RAVER1: variants seen among roughly 807,000 people sequenced by gnomAD.
RAVER1 encodes ribonucleoprotein, PTB binding 1, also known as ribonucleoprotein PTB-binding 1.
A neutral mutation model predicts 68.4 loss-of-function variants in RAVER1; 36 were observed. The observed-to-expected ratio is 0.53, with a 90% CI of 0.40 to 0.70. The LOEUF is 0.70. Ranked by LOEUF, RAVER1 falls within the 30% of genes least tolerant of loss-of-function variation. RAVER1 has a pLI of 0.00. For missense variants in RAVER1, 933 were observed against 1,019.8 expected, an observed-to-expected ratio of 0.91 and a Z score of 1.16; for synonymous variants, 469 against 472.7, an observed-to-expected ratio of 0.99 and a Z score of 0.10.
chr19:10,332,505 A>G (rs2040528986), intron 1 of RAVER1, among the ~76,000 whole-genome samples: 1 of 152,148 alleles, frequency 6.6e-6, no homozygotes, highest in Non-Finnish European at 1.5e-5. Flanking sequence ...TCCACTAGCC[A>G]CGTGCCCACC....
Position 10,328,419 on chromosome 19 carries a change from C to T in RAVER1, c.756+223G>A, listed in dbSNP as rs2040489708. On this transcript the variant is annotated intron_variant, in intron 3 of 12. Transcript: ENST00000617231. This position sits in a 1 kb window ranked among gnomAD's most constrained non-coding sequence, Gnocchi z 4.4. ...TATAAAAATTATCCAGGCATGGGGG[C>T]GGGGCGCCTATAATCCCAGCTACTC... 1.3e-5 allele frequency among the ~76,000 whole-genome samples: 2 copies of T among 152,030 alleles called. No individual in the cohort carries two copies. The highest frequency in any genetic ancestry group is 6.6e-5 in the Admixed American group (1 of 15,256).
In RAVER1 at chr19:10,330,753, A is replaced by G. The variant is rs544139153; in HGVS notation, c.220-227T>C. Among the ~76,000 whole-genome samples the G allele has an allele frequency of 8.5e-5, 13 of 152,320 alleles. No homozygotes were observed. In the South Asian group the frequency reaches 2.7e-3, roughly 32 times the overall value. On this transcript the variant is annotated intron_variant, in intron 1 of 12. Transcript: ENST00000617231. ...TGCAGACTGTGCTATTACCCAGGCA[A>G]CATGCTCTTAGAGGGTATACCTTTA... is the stretch of plus-strand genomic sequence containing the variant.
intron 1 of RAVER1, among the ~76,000 whole-genome samples, chr19:10,331,885 T>A (rs2040521315): frequency 6.6e-6 from 1 of 152,170 alleles, no homozygotes; most frequent in Non-Finnish European, 1.5e-5. Context: ...CAGCCACCCA[T>A]GGGTACCTGA....
At chr19:10,325,177 C>T (rs1321024532) in intron 3 of RAVER1, among the ~76,000 whole-genome samples, 5 of 152,122 alleles carry the variant, frequency 3.3e-5, no homozygotes, top group East Asian at 1.9e-4. Context: ...CCTACCACCA[C>T]GCCTGGCTAA....
chr19:10,318,446 C>A, intron 10 of RAVER1, 74 bp from the exon 11 acceptor site: 1 of 1,125,132 alleles, frequency 8.9e-7, no homozygotes, highest in Non-Finnish European at 1.3e-6. Flanking sequence ...CTTCCCTCTG[C>A]CTCCCAGGTT....
rs565681312 is a variant in RAVER1 at position 10,320,829 on chromosome 19, G to A, written c.1596C>T (p.Ala532=). The A allele has an allele frequency of 2.0e-5, 31 of 1,520,044 alleles. No homozygotes were observed. The highest frequency in any genetic ancestry group is 3.8e-5 in the South Asian group (3 of 77,962). 94.2% of individuals were successfully genotyped at this position (1,520,044 alleles called of 1,614,324 possible). Residue 532 remains alanine, a synonymous_variant, in exon 9 of 13, where the codon GCC becomes GCT. Coordinates refer to ENST00000617231, the MANE Select transcript of RAVER1 (RefSeq NM_133452.3). ...AGKEARGWGG[A]GRSRRPAEGP... ...CCTCAGCTGGGCGGCGGCTTCTCCCGGCGCCTCCCCAGCCCCGGGCCTCCT... is the reference window on the plus strand; with the variant it reads ...CCTCAGCTGGGCGGCGGCTTCTCCCAGCGCCTCCCCAGCCCCGGGCCTCCT...
Position 10,317,189 on chromosome 19 carries a change from G to T in RAVER1, c.*265C>A. The T allele has an allele frequency of 3.9e-6, 2 of 507,028 alleles. No individual in the cohort carries two copies. Among genetic ancestry groups the T allele is most frequent in the East Asian group, 3.8e-5 (1 of 26,078 alleles). The allele number at this position is 507,028 out of a possible 1,614,324, so 31.4% of individuals were successfully genotyped here. ...GGCACAGCGGAGGAGGAGATGGGGG[G>T]AGGGAGGGAGAGCAGGCCGGGGCCC... On this transcript the variant is annotated 3_prime_UTR_variant, in exon 13 of 13. Transcript: ENST00000617231. The surrounding 1 kb of genome is among the most constrained non-coding windows in gnomAD (Gnocchi z 4.3).
chr19:10,322,239 TG>T lies in RAVER1; in HGVS notation c.1173+405del. On this transcript the variant is annotated intron_variant, in intron 6 of 12. Transcript: ENST00000617231. This position sits in a 1 kb window ranked among gnomAD's most constrained non-coding sequence, Gnocchi z 4.3. ...CTGTGTTTCTAGGTGTGCGTGTGTG[TG>T]TGTGCACACACTGAGGGGATAGACC... 1 of 219,334 alleles carries T rather than the reference TG, an allele frequency of 4.6e-6. No individual in the cohort carries two copies. The highest frequency in any genetic ancestry group is 8.9e-6 in the Non-Finnish European group (1 of 112,130). The allele number at this position is 219,334 out of a possible 1,614,324, so 13.6% of individuals were successfully genotyped here. A position where few individuals can be genotyped will look rare whatever the true frequency, so the allele number is the denominator to read the frequency against.
rs1291724030 is a variant in RAVER1, at chr19:10,317,755, G to A, written c.2008C>T (p.Leu670=). Residue 670 remains leucine, a synonymous_variant, in exon 12 of 13, where the codon CTG becomes TTG. Transcript: ENST00000617231. The surrounding 1 kb of genome is among the most constrained non-coding windows in gnomAD (Gnocchi z 4.3). ...HLSKAIGSSP[L]GSGEGLLGLS... ...CCCAGGAGCCCTTCTCCGGACCCCA[G>A]CGGGGAAGAGCCGATTGCCTGGGAG... 1 of 1,589,380 alleles carries A rather than the reference G, an allele frequency of 6.3e-7. No homozygotes were observed. Among genetic ancestry groups the A allele is most frequent in the African/African-American group, 1.3e-5 (1 of 74,516 alleles).
chr19:10,323,217 T>C lies in RAVER1; in HGVS notation c.1006A>G (p.Asn336Asp). Residue 336 changes from asparagine (N) to aspartate (D), a missense_variant, in exon 5 of 13, where the codon AAC becomes GAC. Around this residue, in one of 3 missense-constraint regions of RAVER1, gnomAD observed 699 missense variants for 731.1 expected, o/e 0.96. Coordinates refer to ENST00000617231, the MANE Select transcript of RAVER1 (RefSeq NM_133452.3). The surrounding 1 kb of genome is among the most constrained non-coding windows in gnomAD (Gnocchi z 6.2). Reference protein sequence around the residue: ...PEPNILQLLNNLGPSASLQLL... With the variant: ...PEPNILQLLNDLGPSASLQLL... ...TGGAGGGACGCGGATGGGCCCAGGT[T>C]GTTGAGCAGCTGCAGGATGTTGGGC... 1 of 1,613,104 alleles carries C rather than the reference T, an allele frequency of 6.2e-7. No homozygotes were observed. Among genetic ancestry groups the C allele is most frequent in the Non-Finnish European group, 8.5e-7 (1 of 1,179,476 alleles).
chr19:10,317,737 G>A lies in RAVER1; in HGVS notation c.2026C>T (p.Leu676Phe), dbSNP rs755454865. ...GSSPLGSGEG[L>F]LGLSPGPNGH... ...TTAGGCCCGGGGCTGAGGCCCAGGA[G>A]CCCTTCTCCGGACCCCAGCGGGGAA... The change falls in exon 12 of 13, where the codon CTC becomes TTC. Residue 676 changes from leucine (L) to phenylalanine (F), a missense_variant. Transcript: ENST00000617231. This position sits in a 1 kb window ranked among gnomAD's most constrained non-coding sequence, Gnocchi z 4.3. 1 of 1,597,114 alleles carries A rather than the reference G, an allele frequency of 6.3e-7. No homozygotes were observed. Among genetic ancestry groups the A allele is most frequent in the South Asian group, 1.1e-5 (1 of 88,506 alleles).
chr19:10,323,392 T>C lies in RAVER1; in HGVS notation c.931A>G (p.Ile311Val). Residue 311 changes from isoleucine to valine, a missense_variant, in exon 4 of 13, where the codon ATC (isoleucine) becomes GTC (valine). Physicochemically the swap from Ile to Val is conservative, Grantham distance 29. This residue lies in a region of RAVER1 where 699 missense variants were observed against 731.1 expected (regional missense o/e 0.96). Transcript: ENST00000617231. This position sits in a 1 kb window ranked among gnomAD's most constrained non-coding sequence, Gnocchi z 6.2. ...PPGRSMLAAL[I>V]AAQATALNRG... ...AGGCTCACCGTGGCCTGGGCAGCGA[T>C]GAGAGCGGCCAGCATACTGCGGCCG... 1.2e-6 allele frequency: 2 copies of C among 1,604,384 alleles called. No homozygotes were observed. The highest frequency in any genetic ancestry group is 1.7e-6 in the Non-Finnish European group (2 of 1,175,688).
rs151269531 is a variant in RAVER1 at position 10,327,174 on chromosome 19, C to T, written c.756+1468G>A. Among the ~76,000 whole-genome samples, 15 of 152,064 alleles carry T rather than the reference C, an allele frequency of 9.9e-5. No individual in the cohort carries two copies. The East Asian group carries it at 2.9e-3, about 29-fold the overall frequency. On this transcript the variant is annotated intron_variant, in intron 3 of 12. Transcript: ENST00000617231. Reference sequence around the variant, plus strand: ...TCCTGCCTCTGCCTCCCAACAGACACCTAGTTTAAATGGGGCACCAATACC... The same window carrying T: ...TCCTGCCTCTGCCTCCCAACAGACATCTAGTTTAAATGGGGCACCAATACC...
intron 2 of RAVER1, 61 bp downstream of exon 2, chr19:10,330,399 G>A (rs560190275): frequency 8.5e-5 from 68 of 798,036 alleles, no homozygotes; most frequent in Non-Finnish European, 1.1e-4. Context: ...CAGTGAGCCA[G>A]GCCCTCCCAT....
In RAVER1 at chr19:10,323,498, C is replaced by A. The variant is rs755219404; in HGVS notation, c.825G>T (p.Ala275=). The A allele has an allele frequency of 5.2e-5, 83 of 1,609,434 alleles. No homozygotes were observed. Among genetic ancestry groups the A allele is most frequent in the Non-Finnish European group, 6.9e-5 (81 of 1,179,684 alleles). Reference sequence around the variant, plus strand: ...CGTCCGCCTGCTGCTGTGCCTCCTCCGCCATCTCAGCCGTCTCATACTCCA... The same window carrying A: ...CGTCCGCCTGCTGCTGTGCCTCCTCAGCCATCTCAGCCGTCTCATACTCCA... ...AVLEYETAEM[A]EEAQQQADGL... Residue 275 remains alanine (A), a synonymous_variant, in exon 4 of 13, where the codon GCG becomes GCT. Coordinates refer to ENST00000617231, the MANE Select transcript of RAVER1 (RefSeq NM_133452.3). This position sits in a 1 kb window ranked among gnomAD's most constrained non-coding sequence, Gnocchi z 6.2.
chr19:10,324,645 C>T (rs1025393283), intron 3 of RAVER1, among the ~76,000 whole-genome samples: 6 of 152,180 alleles, frequency 3.9e-5, no homozygotes, highest in African/African-American at 1.4e-4. Flanking sequence ...TCCCAAAGTG[C>T]TGGATTACAG....
At position 10,317,187 on chromosome 19, in the gene RAVER1, G is replaced by T; in HGVS notation, c.*267C>A. 4.0e-6 allele frequency: 2 copies of T among 505,034 alleles called. No individual in the cohort carries two copies. Among genetic ancestry groups the T allele is most frequent in the Non-Finnish European group, 3.5e-6 (1 of 283,864 alleles). 31.3% of individuals were successfully genotyped at this position (505,034 alleles called of 1,614,324 possible). On this transcript the variant is annotated 3_prime_UTR_variant, in exon 13 of 13. Coordinates refer to ENST00000617231, the MANE Select transcript of RAVER1 (RefSeq NM_133452.3). The surrounding 1 kb of genome is among the most constrained non-coding windows in gnomAD (Gnocchi z 4.3). The stretch of plus-strand genomic sequence containing the variant: ...CGGGCACAGCGGAGGAGGAGATGGG[G>T]GGAGGGAGGGAGAGCAGGCCGGGGC...
Position 10,317,185 on chromosome 19 carries a change from G to C in RAVER1, c.*269C>G, listed in dbSNP as rs1599296487. 11 of 503,092 alleles carry C rather than the reference G, an allele frequency of 2.2e-5. No individual in the cohort carries two copies. The East Asian group carries it at 3.1e-4, about 14-fold the overall frequency. 31.2% of individuals were successfully genotyped at this position (503,092 alleles called of 1,614,324 possible). The stretch of plus-strand genomic sequence containing the variant: ...GACGGGCACAGCGGAGGAGGAGATG[G>C]GGGGAGGGAGGGAGAGCAGGCCGGG... On this transcript the variant is annotated 3_prime_UTR_variant, in exon 13 of 13. Coordinates refer to ENST00000617231, the MANE Select transcript of RAVER1 (RefSeq NM_133452.3). The surrounding 1 kb of genome is among the most constrained non-coding windows in gnomAD (Gnocchi z 4.3).
At position 10,316,515 on chromosome 19, in the gene RAVER1, A is replaced by G; in HGVS notation, c.*939T>C. 1.0e-6 allele frequency: 1 copy of G among 988,774 alleles called. No individual in the cohort carries two copies. The highest frequency in any genetic ancestry group is 1.2e-6 in the Non-Finnish European group (1 of 831,894). 61.3% of individuals were successfully genotyped at this position (988,774 alleles called of 1,614,324 possible). A position where few individuals can be genotyped will look rare whatever the true frequency, so the allele number is the denominator to read the frequency against. Reference sequence around the variant, plus strand: ...GGCAGAATTCAAGAATTCATCTTCAACAAGCGAGTGACAGCAGAGGCTCCG... The same window carrying G: ...GGCAGAATTCAAGAATTCATCTTCAGCAAGCGAGTGACAGCAGAGGCTCCG... On this transcript the variant is annotated 3_prime_UTR_variant, in exon 13 of 13. Coordinates refer to ENST00000617231, the MANE Select transcript of RAVER1 (RefSeq NM_133452.3).
Sources: allele counts gnomAD v4.1 joint callset (sites outside exome capture counted in the v4.1 genomes callset), GRCh38; gene constraint gnomAD v4.1.1; regional missense constraint gnomAD v4.1.1; non-coding constraint Gnocchi (gnomAD v3.1); transcripts MANE v1.5; gene names NCBI Gene and HGNC (gene_info 2026-07-23, HGNC 2026-07-21).